Variants in CADM2 observed in about 807,000 individuals in gnomAD.
CADM2 encodes immunoglobulin superfamily member 4D.
CADM2 carries 12 observed loss-of-function variants against 49.8 expected under a neutral mutation model. The observed-to-expected ratio is 0.24, with a 90% confidence interval of 0.15 to 0.39. The LOEUF (loss-of-function observed/expected upper bound fraction) is 0.39. Ranked by LOEUF, CADM2 falls within the 10% of genes least tolerant of loss-of-function variation. The pLI is 1.00. For synonymous variants in CADM2, 214 were observed against 175.4 expected (o/e 1.22, Z -1.74); for missense variants, 378 against 492.3 (o/e 0.77, Z 2.20).
At chr3:85,453,406 G>A (rs11920711) in intron 1 of CADM2, among the ~76,000 whole-genome samples, 13,336 of 151,928 alleles carry the variant, frequency 0.088, 1,883 homozygotes, top group African/African-American at 0.3. Context: ...GATTATCAGT[G>A]GTTATCGTAT....
At chr3:85,353,250 C>T (rs1370890397) in intron 1 of CADM2, among the ~76,000 whole-genome samples, 6 of 152,110 alleles carry the variant, frequency 3.9e-5, no homozygotes, top group Middle Eastern at 3.4e-3. Flanking sequence ...AAGAGAAACA[C>T]GCAGCAGGAA....
chr3:85,467,337 A>G (rs570605713), intron 1 of CADM2, among the ~76,000 whole-genome samples: 1 of 152,190 alleles, frequency 6.6e-6, no homozygotes, highest in Non-Finnish European at 1.5e-5. Flanking sequence ...TTTATTACCT[A>G]TTAAAATACT....
intron 1 of CADM2, among the ~76,000 whole-genome samples, chr3:85,233,332 T>C (rs2042339978): frequency 6.6e-6 from 1 of 152,078 alleles, no homozygotes; most frequent in African/African-American, 2.4e-5. Flanking sequence ...TATGCATTTG[T>C]CAGAACCCAT....
chr3:85,163,588 C>A (rs566886375), intron 1 of CADM2, among the ~76,000 whole-genome samples: 1 of 152,046 alleles, frequency 6.6e-6, no homozygotes, highest in South Asian at 2.1e-4. Context: ...ATTTAAGATA[C>A]AAAAATACAT....
chr3:85,087,089 G>T (rs1048517424), intron 1 of CADM2, among the ~76,000 whole-genome samples: 1 of 152,068 alleles, frequency 6.6e-6, no homozygotes, highest in Non-Finnish European at 1.5e-5. Flanking sequence ...AGTTTCTTGA[G>T]GGAAGCAGCA....
chr3:85,888,206 T>G (rs765846568), intron 5 of CADM2, among the ~76,000 whole-genome samples: 9 of 152,196 alleles, frequency 5.9e-5, no homozygotes, highest in Non-Finnish European at 1.3e-4. Context: ...GGTCATACAC[T>G]TTCACATATT....
At chr3:85,875,349 T>G (rs539813453) in intron 3 of CADM2, among the ~76,000 whole-genome samples, 7 of 152,274 alleles carry the variant, frequency 4.6e-5, no homozygotes, top group Admixed American at 1.3e-4. Flanking sequence ...ATTTTGATAA[T>G]AAGAATAAGA....
At chr3:85,583,130 C>A (rs2062843115) in intron 1 of CADM2, among the ~76,000 whole-genome samples, 1 of 152,066 alleles carries the variant, frequency 6.6e-6, no homozygotes, top group Non-Finnish European at 1.5e-5. Context: ...AACTTCATGA[C>A]AACTGGCAGT....
At chr3:85,621,128 T>C (rs1414213857) in intron 1 of CADM2, among the ~76,000 whole-genome samples, 1 of 152,166 alleles carries the variant, frequency 6.6e-6, no homozygotes, top group Non-Finnish European at 1.5e-5. Context: ...TGACCTCTGT[T>C]CTAACAAAGA....
At chr3:86,033,713 A>G (rs1225768285) in intron 8 of CADM2, among the ~76,000 whole-genome samples, 1 of 146,022 alleles carries the variant, frequency 6.8e-6, no homozygotes, top group Non-Finnish European at 1.5e-5. Flanking sequence ...TTATATATAT[A>G]TATATATAAA....
chr3:85,563,411 T>G (rs60094925), intron 1 of CADM2, among the ~76,000 whole-genome samples: 7,078 of 142,094 alleles, frequency 0.05, 550 homozygotes, highest in African/African-American at 0.16. Flanking sequence ...TGTGTGTGTG[T>G]GGGGGGGTGG....
chr3:85,559,249 T>C (rs1446740605), intron 1 of CADM2, among the ~76,000 whole-genome samples: 1 of 152,116 alleles, frequency 6.6e-6, no homozygotes, highest in Non-Finnish European at 1.5e-5. Context: ...ATCCAAATCC[T>C]AACTAGTAAT....
At position 85,031,721 on chromosome 3, in the gene CADM2, A is replaced by C. The variant is rs28552692; in HGVS notation, c.61+72053A>C. On this transcript the variant is annotated intron_variant, in intron 1 of 9. Coordinates refer to ENST00000383699, the MANE Select transcript of CADM2 (RefSeq NM_001167675.2). ...TTTTTTAGTAGATACGGGGTTTCAC[A>C]GTGTTAGCCAGGATGGTCTCGATCT... is the stretch of plus-strand genomic sequence containing the variant. Among the ~76,000 whole-genome samples, 436 of 151,162 alleles carry C rather than the reference A, an allele frequency of 2.9e-3. 1 individual carries two copies. Among genetic ancestry groups the C allele is most frequent in the Admixed American group, 5.6e-3 (85 of 15,214 alleles).
At chr3:85,185,354 TTGGAAATAGGAA>T (rs2107712367) in intron 1 of CADM2, among the ~76,000 whole-genome samples, 1 of 152,242 alleles carries the variant, frequency 6.6e-6, no homozygotes, top group African/African-American at 2.4e-5. Flanking sequence ...ATGGTCCTTA[TTGGAAATAGGAA>T]CATATGTTTC....
intron 1 of CADM2, among the ~76,000 whole-genome samples, chr3:85,694,631 C>T (rs1049362574): frequency 1.3e-5 from 2 of 152,136 alleles, no homozygotes; most frequent in African/African-American, 4.8e-5. Context: ...AATATTTATT[C>T]ATACTTTTCT....
intron 1 of CADM2, among the ~76,000 whole-genome samples, chr3:85,387,505 C>CT (rs1318588329): frequency 1.3e-5 from 2 of 152,052 alleles, no homozygotes; most frequent in South Asian, 4.2e-4. Flanking sequence ...GTAGATAGGT[C>CT]TTTTTTTAAA....
chr3:86,000,391 AT>A (rs898439547), intron 8 of CADM2, among the ~76,000 whole-genome samples: 9 of 152,170 alleles, frequency 5.9e-5, no homozygotes, highest in Non-Finnish European at 1.3e-4. Flanking sequence ...TTGAATAATT[AT>A]TATCTATTTC....
chr3:85,481,729 C>T (rs1036854373), intron 1 of CADM2, among the ~76,000 whole-genome samples: 3 of 151,494 alleles, frequency 2.0e-5, no homozygotes, highest in African/African-American at 7.3e-5. Flanking sequence ...TATTTAAATT[C>T]TTGTGCTAGG....
rs566436069 is a variant in CADM2, at chr3:85,416,917, T to TA, written c.62-309599dup. On this transcript the variant is annotated intron_variant, in intron 1 of 9. Transcript: ENST00000383699. ...GCTATGTGGATCTTAATGAGAATAG[T>TA]AAAAAATAGGGTGAATCTTTATTTT... Among the ~76,000 whole-genome samples, 3 of 152,230 alleles carry TA rather than the reference T, an allele frequency of 2.0e-5. No individual in the cohort carries two copies. In the South Asian group the frequency reaches 6.2e-4, roughly 32 times the overall value.
Sources: allele counts gnomAD v4.1 joint callset (sites outside exome capture counted in the v4.1 genomes callset), GRCh38; gene constraint gnomAD v4.1.1; transcripts MANE v1.5; gene names NCBI Gene and HGNC (gene_info 2026-07-23, HGNC 2026-07-21).